The following RYR2 variants were observed in gnomAD, a reference collection of about 807,000 sequenced individuals.
The protein encoded by RYR2 is ryanodine receptor 2.
Under a neutral mutation model 601.1 loss-of-function variants are expected in RYR2, and 227 were observed. That is an observed-to-expected ratio of 0.38 (90% confidence interval 0.34 to 0.42). The LOEUF (loss-of-function observed/expected upper bound fraction) is 0.42, where lower values mean the gene tolerates loss of function less well. RYR2 is among the 10% of genes least tolerant of loss of function. RYR2 has a pLI of 1.00. For synonymous variants in RYR2, 2,223 were observed against 2,175.1 expected (o/e 1.02, Z -0.61); for missense variants, 4,646 against 6,156.5 (o/e 0.75, Z 8.21).
At chr1:237,606,239 A>G (rs9701061) in intron 35 of RYR2, among the ~76,000 whole-genome samples, 31,627 of 152,100 alleles carry the variant, frequency 0.21, 3,877 homozygotes, top group South Asian at 0.37. Context: ...AATGGAACAG[A>G]ACAGAGCCCT....
intron 1 of RYR2, among the ~76,000 whole-genome samples, chr1:237,097,483 A>C (rs1392610236): frequency 1.3e-5 from 2 of 152,182 alleles, no homozygotes; most frequent in Non-Finnish European, 2.9e-5. Context: ...ATAAGAGAGA[A>C]TGCTGCTCTG....
chr1:237,167,708 CTT>C (rs11288225), intron 1 of RYR2, among the ~76,000 whole-genome samples: 8,794 of 101,084 alleles, frequency 0.087, 335 homozygotes, highest in East Asian at 0.14. Flanking sequence ...GATCCACCTC[CTT>C]TTTTTTTTTT....
chr1:237,205,279 T>G (rs895786419), intron 1 of RYR2, among the ~76,000 whole-genome samples: 2 of 152,170 alleles, frequency 1.3e-5, no homozygotes, highest in Non-Finnish European at 2.9e-5. Context: ...TGCTGAGTTG[T>G]GGCCCACAGG....
Position 237,395,533 on chromosome 1 carries a change from C to CTTT in RYR2, c.773+7379_773+7381dup, listed in dbSNP as rs71180022. Among the ~76,000 whole-genome samples the CTTT allele has an allele frequency of 9.6e-4, 84 of 87,426 alleles. 3 individuals are homozygous for CTTT. Among genetic ancestry groups the CTTT allele is most frequent in the Non-Finnish European group, 1.4e-3 (64 of 46,740 alleles). The allele number at this position is 87,426 out of a possible 152,430, so 57.4% of individuals were successfully genotyped here. A position where few individuals can be genotyped will look rare whatever the true frequency, so the allele number is the denominator to read the frequency against. On this transcript the variant is annotated intron_variant, in intron 10 of 104. Transcript: ENST00000366574. ...AGGACACGTCCGCTAGTAGGACTGTCTTTTTTTTTTTTTTTTTTTTTTTTT... is the reference window on the plus strand; with the variant it reads ...AGGACACGTCCGCTAGTAGGACTGTCTTTTTTTTTTTTTTTTTTTTTTTTTTTT...
At chr1:237,313,577 T>A (rs1032135292) in intron 2 of RYR2, among the ~76,000 whole-genome samples, 1 of 152,196 alleles carries the variant, frequency 6.6e-6, no homozygotes, top group Non-Finnish European at 1.5e-5. Flanking sequence ...CCAGAAAGAA[T>A]CAATCTTGAT....
chr1:237,176,176 T>C (rs1678021148), intron 1 of RYR2, among the ~76,000 whole-genome samples: 1 of 150,448 alleles, frequency 6.6e-6, no homozygotes, highest in South Asian at 2.1e-4. Context: ...TACGGGGAGC[T>C]CGGGGAGCTA....
chr1:237,766,858 C>T (rs1028928007), intron 84 of RYR2, among the ~76,000 whole-genome samples: 5 of 152,094 alleles, frequency 3.3e-5, no homozygotes, highest in Non-Finnish European at 5.9e-5. Context: ...GTCTTGGCAT[C>T]GGAAATAGGA....
At chr1:237,731,848 TAC>T (rs781114493) in intron 77 of RYR2, among the ~76,000 whole-genome samples, 196 bp from the exon 78 acceptor site, 12 of 150,050 alleles carry the variant, frequency 8.0e-5, no homozygotes, top group African/African-American at 2.9e-4. Context: ...TATATACACA[TAC>T]ACACATATAT....
At chr1:237,571,213 A>G (rs528223884) in intron 29 of RYR2, among the ~76,000 whole-genome samples, 17 of 152,256 alleles carry the variant, frequency 1.1e-4, no homozygotes, top group African/African-American at 4.1e-4. Context: ...ATATGTTTGC[A>G]TATGGATTTG....
intron 5 of RYR2, among the ~76,000 whole-genome samples, chr1:237,365,254 A>G (rs565133605): frequency 6.6e-6 from 1 of 152,352 alleles, no homozygotes; most frequent in South Asian, 2.1e-4. Flanking sequence ...TTAAATCAAA[A>G]TTCCAGATAT....
intron 67 of RYR2, among the ~76,000 whole-genome samples, chr1:237,706,577 T>C (rs970248589): frequency 1.3e-5 from 2 of 152,068 alleles, no homozygotes; most frequent in African/African-American, 2.4e-5. Context: ...GCATCAGGTA[T>C]TTGGTGGAGC....
intron 12 of RYR2, among the ~76,000 whole-genome samples, chr1:237,437,459 A>G (rs764495124): frequency 7.2e-5 from 11 of 152,204 alleles, no homozygotes; most frequent in Non-Finnish European, 1.2e-4. Context: ...CACAGTTTTT[A>G]TGGGAAATCT....
At chr1:237,571,315 CTT>C (rs71561888) in intron 29 of RYR2, among the ~76,000 whole-genome samples, 192 of 134,246 alleles carry the variant, frequency 1.4e-3, no homozygotes, top group Middle Eastern at 7.5e-3. Context: ...CTTTTCTTTT[CTT>C]TTTTTTTTTT....
Position 237,387,352 on chromosome 1 carries a change from A to G in RYR2, c.648A>G (p.Pro216=). Residue 216 remains proline, a synonymous_variant, in exon 9 of 105, where the codon CCA becomes CCG. Transcript: ENST00000366574. Reference sequence around the variant, plus strand: ...AGCAGACTCTCTGGAGCGTGGCCCCAATCAGCTCAGGAAGTGAGGCAGCCC... The same window carrying G: ...AGCAGACTCTCTGGAGCGTGGCCCCGATCAGCTCAGGAAGTGAGGCAGCCC... The part of the protein sequence containing the change: ...AFQQTLWSVA[P]ISSGSEAAQG... 1 of 1,614,020 alleles carries G rather than the reference A, an allele frequency of 6.2e-7. No homozygotes were observed. Among genetic ancestry groups the G allele is most frequent in the Non-Finnish European group, 8.5e-7 (1 of 1,179,884 alleles).
intron 25 of RYR2, among the ~76,000 whole-genome samples, chr1:237,536,468 A>G (rs1200584870): frequency 6.6e-6 from 1 of 151,868 alleles, no homozygotes; most frequent in East Asian, 1.9e-4. Flanking sequence ...TAACCCCAGC[A>G]CTTTGGGAGG....
At chr1:237,659,898 A>G in intron 54 of RYR2, 87 bp from the exon 55 acceptor site, 1 of 764,910 alleles carries the variant, frequency 1.3e-6, no homozygotes, top group Non-Finnish European at 2.1e-6. Flanking sequence ...GGTTTATTTT[A>G]TCAAACACGC....
At chr1:237,534,319 G>A (rs1668403229) in intron 25 of RYR2, among the ~76,000 whole-genome samples, 3 of 151,914 alleles carry the variant, frequency 2.0e-5, no homozygotes, top group Admixed American at 1.3e-4. Context: ...AAAAATCAAT[G>A]AAGAAAAATA....
chr1:237,644,153 T>C (rs1681876848), intron 48 of RYR2, among the ~76,000 whole-genome samples: 1 of 152,232 alleles, frequency 6.6e-6, no homozygotes, highest in Non-Finnish European at 1.5e-5. Flanking sequence ...AATGCTTTTC[T>C]ATTAAAAGCA....
Position 237,610,046 on chromosome 1 carries a change from C to G in RYR2, c.4684-716C>G, listed in dbSNP as rs1438085926. ...GGAGAAGAAGAGATAGAAGATAATG[C>G]AGAAATATGAGATAATGGTTTTCTT... On this transcript the variant is annotated intron_variant, in intron 35 of 104. Coordinates refer to ENST00000366574, the MANE Select transcript of RYR2 (RefSeq NM_001035.3). This position sits in a 1 kb window ranked among gnomAD's most constrained non-coding sequence, Gnocchi z 4.9. 6.6e-6 allele frequency among the ~76,000 whole-genome samples: 1 copy of G among 152,094 alleles called. No homozygotes were observed. Among genetic ancestry groups the G allele is most frequent in the African/African-American group, 2.4e-5 (1 of 41,498 alleles).
Sources: gnomAD v4.1 joint callset for allele counts (sites outside exome capture counted in the v4.1 genomes callset) on GRCh38, gnomAD v4.1.1 for gene constraint, Gnocchi (gnomAD v3.1) non-coding constraint, MANE v1.5 for transcripts, NCBI Gene and HGNC (gene_info 2026-07-23, HGNC 2026-07-21) for gene names.